The following CDH2 variants were observed in gnomAD, a reference collection of about 807,000 sequenced individuals.
CDH2 encodes the protein cadherin-2.
Under a neutral mutation model 92.0 loss-of-function variants are expected in CDH2, and 17 were observed. That is an observed-to-expected ratio of 0.18 (90% CI 0.13 to 0.28). CDH2 has a LOEUF of 0.28. Ranked by LOEUF, CDH2 falls within the 10% of genes least tolerant of loss-of-function variation. The pLI, the probability that CDH2 is intolerant of heterozygous loss-of-function variation, is 1.00. For missense variants in CDH2, 862 were observed against 1,133.1 expected (o/e 0.76, Z 3.44); for synonymous variants, 419 against 415.9 (o/e 1.01, Z -0.09).
chr18:27,937,780 A>G (rs1031557646), intron 6 of CDH2, among the ~76,000 whole-genome samples: 13 of 152,360 alleles, frequency 8.5e-5, no homozygotes, highest in African/African-American at 3.1e-4. Context: ...CAAGAAAATC[A>G]ATAATTTATT....
chr18:28,086,625 C>A (rs1205276463), intron 2 of CDH2, among the ~76,000 whole-genome samples: 1 of 152,076 alleles, frequency 6.6e-6, no homozygotes, highest in Non-Finnish European at 1.5e-5. Context: ...TGAATCTGGA[C>A]AATTACAAAT....
At chr18:28,014,699 A>AT (rs2013194159) in intron 2 of CDH2, among the ~76,000 whole-genome samples, 1 of 152,086 alleles carries the variant, frequency 6.6e-6, no homozygotes. Context: ...AATGTGTCTT[A>AT]TCTCTATCAT....
intron 8 of CDH2, 52 bp downstream of exon 8, chr18:27,993,448 C>T: frequency 6.4e-7 from 1 of 1,570,676 alleles, no homozygotes; most frequent in Admixed American, 1.8e-5. Flanking sequence ...GACCAACCTT[C>T]TCAGTAACGA....
intron 15 of CDH2, among the ~76,000 whole-genome samples, chr18:27,954,164 C>T (rs1409188376): frequency 4.6e-5 from 7 of 152,168 alleles, no homozygotes; most frequent in Non-Finnish European, 1.0e-4. Flanking sequence ...ATATATACAA[C>T]ATAAATAACT....
intron 2 of CDH2, among the ~76,000 whole-genome samples, chr18:28,057,467 AC>A (rs113085658): frequency 0.05 from 7,650 of 152,184 alleles, 662 homozygotes; most frequent in African/African-American, 0.18. Flanking sequence ...GAAGTTTGAG[AC>A]CAGCCTGGTC....
chr18:27,974,605 T>C (rs2143922975), intron 14 of CDH2, among the ~76,000 whole-genome samples: 1 of 152,312 alleles, frequency 6.6e-6, no homozygotes, highest in South Asian at 2.1e-4. Flanking sequence ...ACGCTCTGAA[T>C]GTCTGTGTCC....
In CDH2 at chr18:28,055,304, C is replaced by A. The variant is rs1177234338; in HGVS notation, c.173-41395G>T. ...CCCACCAGGTCCCTCCCACAACATGCGGGAATTATGGGAGCTACAATTCAA... is the reference window on the plus strand; with the variant it reads ...CCCACCAGGTCCCTCCCACAACATGAGGGAATTATGGGAGCTACAATTCAA... On this transcript the variant is annotated intron_variant, in intron 2 of 15. Coordinates refer to ENST00000269141, the MANE Select transcript of CDH2 (RefSeq NM_001792.5). Among the ~76,000 whole-genome samples the A allele has an allele frequency of 2.0e-5, 3 of 152,098 alleles. No individual in the cohort carries two copies. The East Asian group carries it at 5.8e-4, about 29-fold the overall frequency.
chr18:28,090,771 T>C (rs1428084847), intron 2 of CDH2, among the ~76,000 whole-genome samples: 3 of 152,244 alleles, frequency 2.0e-5, no homozygotes, highest in African/African-American at 4.8e-5. Context: ...CTGAAGAATG[T>C]TGTATCCATC....
chr18:28,154,331 C>T (rs2016173505), intron 1 of CDH2, among the ~76,000 whole-genome samples: 1 of 152,230 alleles, frequency 6.6e-6, no homozygotes, highest in African/African-American at 2.4e-5. Context: ...GTCAACAAGC[C>T]CTCTCGGCCC....
At chr18:28,114,617 C>T (rs949661622) in intron 2 of CDH2, among the ~76,000 whole-genome samples, 3 of 152,054 alleles carry the variant, frequency 2.0e-5, no homozygotes, top group East Asian at 1.9e-4. Context: ...AATTCCTTTG[C>T]CATGGAGCAG....
intron 2 of CDH2, among the ~76,000 whole-genome samples, chr18:28,145,710 T>TA (rs2016024500): frequency 6.6e-6 from 1 of 152,094 alleles, no homozygotes; most frequent in Non-Finnish European, 1.5e-5. Context: ...TCCAAAAAGT[T>TA]GTTTTTTTCT....
intron 15 of CDH2, among the ~76,000 whole-genome samples, chr18:27,956,228 T>C (rs553107437): frequency 5.9e-5 from 9 of 152,286 alleles, no homozygotes; most frequent in African/African-American, 2.2e-4. Context: ...CGCCTGTGTT[T>C]CTCTAGGTTT....
At position 28,062,673 on chromosome 18, in the gene CDH2, T is replaced by C. The variant is rs1161297096; in HGVS notation, c.173-48764A>G. 2.6e-5 allele frequency among the ~76,000 whole-genome samples: 4 copies of C among 152,118 alleles called. No individual in the cohort carries two copies. In the East Asian group the frequency reaches 7.7e-4, roughly 29 times the overall value. ...GAAAAATGGAATGAACTATCACCAG[T>C]TGAGAAATACACCGTCCAGGCTAGG... On this transcript the variant is annotated intron_variant, in intron 2 of 15. Transcript: ENST00000269141.
intron 2 of CDH2, chr18:28,146,123 T>G (rs2016030855): frequency 6.6e-6 from 1 of 152,134 alleles, no homozygotes; most frequent in Non-Finnish European, 1.5e-5. Context: ...TAATCTTAAA[T>G]CAATGGCTGC....
intron 15 of CDH2, among the ~76,000 whole-genome samples, chr18:27,959,758 C>G (rs544730258): frequency 3.9e-5 from 6 of 152,140 alleles, no homozygotes; most frequent in Non-Finnish European, 7.4e-5. Context: ...ATACCTACCT[C>G]CTTAGATTTT....
chr18:28,165,372 G>A (rs140700172), intron 1 of CDH2, among the ~76,000 whole-genome samples: 58 of 152,188 alleles, frequency 3.8e-4, no homozygotes, highest in African/African-American at 1.4e-3. Context: ...GTTATTTTTT[G>A]TAGAGAGGGA....
chr18:27,974,276 G>A (rs556873099), intron 14 of CDH2, among the ~76,000 whole-genome samples: 55 of 152,202 alleles, frequency 3.6e-4, no homozygotes, highest in African/African-American at 1.3e-3. Flanking sequence ...CATATATCAA[G>A]AAAGCTGGTC....
intron 14 of CDH2, among the ~76,000 whole-genome samples, chr18:27,970,625 C>T (rs1156260263): frequency 1.3e-5 from 2 of 152,126 alleles, no homozygotes; most frequent in Non-Finnish European, 2.9e-5. Flanking sequence ...AACTGTGTGA[C>T]CTTGAGCAGA....
intron 1 of CDH2, among the ~76,000 whole-genome samples, chr18:28,162,986 C>A (rs1242488612): frequency 1.3e-5 from 2 of 152,174 alleles, no homozygotes; most frequent in Non-Finnish European, 2.9e-5. Context: ...CTTCAAAACA[C>A]ACCTACACAA....
Sources: gnomAD v4.1 joint callset for allele counts (sites outside exome capture counted in the v4.1 genomes callset) on GRCh38, gnomAD v4.1.1 for gene constraint, MANE v1.5 for transcripts, NCBI Gene and HGNC (gene_info 2026-07-23, HGNC 2026-07-21) for gene names.